Variants in EIF2AK3 observed in about 807,000 individuals in gnomAD.
The protein encoded by EIF2AK3 is eukaryotic translation initiation factor 2 alpha kinase 3.
A neutral mutation model predicts 113.5 loss-of-function variants in EIF2AK3; 50 were observed. The observed-to-expected ratio is 0.44, with a 90% CI of 0.35 to 0.56. The LOEUF is 0.56. Ranked by LOEUF, EIF2AK3 falls within the 20% of genes least tolerant of loss-of-function variation. The pLI is 0.00. For missense variants in EIF2AK3, 1,185 were observed against 1,378.0 expected, an observed-to-expected ratio of 0.86 and a Z score of 2.22; for synonymous variants, 448 against 495.4, an observed-to-expected ratio of 0.90 and a Z score of 1.27.
chr2:88,616,402 C>T (rs968263631), intron 1 of EIF2AK3, among the ~76,000 whole-genome samples: 1 of 152,122 alleles, frequency 6.6e-6, no homozygotes, highest in Non-Finnish European at 1.5e-5. Context: ...ACAGAGCAGA[C>T]TCTCCATAAA....
rs1196306105 is a variant in EIF2AK3, at chr2:88,556,747, TAA to T, written c.*987_*988del. 6.6e-6 allele frequency: 1 copy of T among 152,174 alleles called. No homozygotes were observed. The highest frequency in any genetic ancestry group is 1.5e-5 in the Non-Finnish European group (1 of 68,030). The allele number at this position is 152,174 out of a possible 1,614,324, so 9.4% of individuals were successfully genotyped here. A position where few individuals can be genotyped will look rare whatever the true frequency, so the allele number is the denominator to read the frequency against. On this transcript the variant is annotated 3_prime_UTR_variant, in exon 17 of 17. Coordinates refer to ENST00000303236, the MANE Select transcript of EIF2AK3 (RefSeq NM_004836.7). ...AAAATAAGAGTCAACATACTTAATT[TAA>T]AAAAAGTTTTATTAAATCATTTAGA...
intron 1 of EIF2AK3, among the ~76,000 whole-genome samples, chr2:88,616,869 A>G (rs1239257491): frequency 6.6e-6 from 1 of 152,230 alleles, no homozygotes; most frequent in Non-Finnish European, 1.5e-5. Context: ...TATCTCTTCT[A>G]TATCACTTGA....
At chr2:88,611,037 C>A (rs538062346) in intron 2 of EIF2AK3, among the ~76,000 whole-genome samples, 1 of 152,260 alleles carries the variant, frequency 6.6e-6, no homozygotes, top group Admixed American at 6.5e-5. Context: ...ATAAAAAGCT[C>A]TTTAGAGCCC....
intron 11 of EIF2AK3, 80 bp downstream of exon 11, chr2:88,579,438 T>C: frequency 6.4e-7 from 1 of 1,558,594 alleles, no homozygotes; most frequent in Non-Finnish European, 8.8e-7. Context: ...GTTTACAGAG[T>C]ACAGTAAGAA....
In EIF2AK3 at chr2:88,600,917, A is replaced by C. The variant is rs900007378; in HGVS notation, c.439-5254T>G. Among the ~76,000 whole-genome samples the C allele has an allele frequency of 4.5e-4, 68 of 152,328 alleles. 1 individual carries two copies. Among genetic ancestry groups the C allele is most frequent in the African/African-American group, 1.6e-3 (65 of 41,574 alleles). On this transcript the variant is annotated intron_variant, in intron 2 of 16. Coordinates refer to ENST00000303236, the MANE Select transcript of EIF2AK3 (RefSeq NM_004836.7). The stretch of plus-strand genomic sequence containing the variant: ...CTGACTCACACACTTTTTGGAGTAC[A>C]TTCAACTTTATTTTAACTGGTTATA...
intron 2 of EIF2AK3, among the ~76,000 whole-genome samples, chr2:88,601,834 C>CTTTTTTTTTTT (rs59987968): frequency 1.2e-4 from 9 of 74,856 alleles, no homozygotes; most frequent in Non-Finnish European, 2.0e-4. Context: ...TAAGATTTTT[C>CTTTTTTTTTTT]TTTTTTTTTT....
intron 1 of EIF2AK3, among the ~76,000 whole-genome samples, chr2:88,622,358 A>G (rs1675746493): frequency 2.0e-5 from 3 of 152,220 alleles, no homozygotes. Context: ...CCCCTCTTAC[A>G]AAAAAGGAGA....
At chr2:88,592,156 C>G (rs1242414605) in intron 4 of EIF2AK3, among the ~76,000 whole-genome samples, 2 of 152,064 alleles carry the variant, frequency 1.3e-5, no homozygotes, top group Non-Finnish European at 2.9e-5. Context: ...TAAAAAAAAT[C>G]AAGCATTTGA....
intron 7 of EIF2AK3, among the ~76,000 whole-genome samples, chr2:88,588,529 T>C (rs963770293): frequency 6.6e-6 from 1 of 152,318 alleles, no homozygotes; most frequent in East Asian, 1.9e-4. Flanking sequence ...CTAAGTTGTA[T>C]AGAGAAATAT....
At chr2:88,562,950 T>G (rs1162116447) in intron 14 of EIF2AK3, among the ~76,000 whole-genome samples, 4 of 152,250 alleles carry the variant, frequency 2.6e-5, no homozygotes, top group Non-Finnish European at 4.4e-5. Context: ...GGGAAATGCT[T>G]CTTTTGTGTT....
chr2:88,602,959 TA>T (rs1019405005), intron 2 of EIF2AK3, among the ~76,000 whole-genome samples: 20 of 146,000 alleles, frequency 1.4e-4, no homozygotes, highest in Admixed American at 2.0e-4. Context: ...GAACTTAAAG[TA>T]AAAAAAAAAG....
intron 13 of EIF2AK3, 166 bp downstream of exon 13, chr2:88,574,500 T>A: frequency 1.3e-6 from 1 of 771,946 alleles, no homozygotes. Context: ...ACATAAGACT[T>A]CTTATTCTTG....
At chr2:88,573,981 C>A (rs528470869) in intron 13 of EIF2AK3, among the ~76,000 whole-genome samples, 6 of 152,134 alleles carry the variant, frequency 3.9e-5, no homozygotes, top group Non-Finnish European at 7.4e-5. Context: ...AACACTACTA[C>A]GGAAATGTCA....
intron 4 of EIF2AK3, 110 bp from the exon 5 acceptor site, chr2:88,591,162 A>C: frequency 6.1e-6 from 6 of 977,812 alleles, no homozygotes; most frequent in Non-Finnish European, 9.5e-6. Flanking sequence ...GTGATGAGAA[A>C]ACTAACAACA....
intron 9 of EIF2AK3, among the ~76,000 whole-genome samples, chr2:88,584,727 C>T (rs1475496778): frequency 6.6e-6 from 1 of 151,800 alleles, no homozygotes; most frequent in Non-Finnish European, 1.5e-5. Context: ...AAAGATATTA[C>T]CCAGGAGTTA....
intron 8 of EIF2AK3, among the ~76,000 whole-genome samples, chr2:88,586,586 T>C (rs1381415579): frequency 6.6e-6 from 1 of 151,226 alleles, no homozygotes; most frequent in African/African-American, 2.4e-5. Flanking sequence ...CAGTTCTCTT[T>C]TATCTTGCCT....
chr2:88,611,409 C>T (rs977053796), intron 2 of EIF2AK3, among the ~76,000 whole-genome samples: 5 of 152,180 alleles, frequency 3.3e-5, no homozygotes, highest in African/African-American at 1.2e-4. Flanking sequence ...ACATATTAAA[C>T]ATCCACTCTC....
Position 88,576,669 on chromosome 2 carries a change from TAAC to T in EIF2AK3, c.1918_1920del (p.Val640del). On this transcript the variant is annotated inframe_deletion, in exon 12 of 17. Transcript: ENST00000303236. ...GGGTGTTCAAGCTTGGCTAAGGCTT[TAAC>T]TTCTCGCATTACCTTTTCCCGAGCC... is the stretch of plus-strand genomic sequence containing the variant. 1 of 1,614,178 alleles carries T rather than the reference TAAC, an allele frequency of 6.2e-7. No homozygotes were observed. The highest frequency in any genetic ancestry group is 8.5e-7 in the Non-Finnish European group (1 of 1,180,018).
At chr2:88,586,534 T>C (rs937465811) in intron 8 of EIF2AK3, among the ~76,000 whole-genome samples, 1 of 151,868 alleles carries the variant, frequency 6.6e-6, no homozygotes, top group African/African-American at 2.4e-5. Context: ...AAATAGCTTG[T>C]CTTTTTTTGT....
Sources: gnomAD v4.1 joint callset for allele counts (sites outside exome capture counted in the v4.1 genomes callset) on GRCh38, gnomAD v4.1.1 for gene constraint, MANE v1.5 for transcripts, NCBI Gene and HGNC (gene_info 2026-07-23, HGNC 2026-07-21) for gene names.